The following GLIS3 variants were observed in gnomAD, a reference collection of about 807,000 sequenced individuals.
The protein encoded by GLIS3 is GLIS family zinc finger 3, also known as zinc finger protein GLIS3.
GLIS3 carries 53 observed loss-of-function variants against 78.6 expected under a neutral mutation model. That is an observed-to-expected ratio of 0.67 (90% CI 0.54 to 0.85). The LOEUF is 0.85. Among genes scored for constraint, GLIS3 ranks in the 40% least tolerant of loss-of-function variants. The pLI is 0.00. For synonymous variants in GLIS3, 684 were observed against 509.9 expected (o/e 1.34, Z -4.60); for missense variants, 1,703 against 1,231.1 (o/e 1.38, Z -5.74).
the GLIS3 span, among the ~76,000 whole-genome samples, chr9:4,441,504 T>A: frequency 2.6e-5 from 4 of 152,242 alleles, no homozygotes; most frequent in Admixed American, 6.5e-5. Context: ...CACTTGAAGA[T>A]GGTAAATAAT....
the GLIS3 span, among the ~76,000 whole-genome samples, chr9:4,374,585 A>G: frequency 2.0e-5 from 3 of 152,190 alleles, no homozygotes; most frequent in Non-Finnish European, 4.4e-5. Context: ...TTTCTTGGGG[A>G]ACTATTCCCC....
At chr9:4,224,167 A>G (rs777401234) in intron 2 of GLIS3, among the ~76,000 whole-genome samples, 2 of 152,190 alleles carry the variant, frequency 1.3e-5, no homozygotes, top group Non-Finnish European at 2.9e-5. Context: ...CTCTGATTAA[A>G]ACCCACATTA....
At chr9:4,086,707 G>A (rs1829051798) in intron 4 of GLIS3, among the ~76,000 whole-genome samples, 1 of 152,190 alleles carries the variant, frequency 6.6e-6, no homozygotes, top group African/African-American at 2.4e-5. Context: ...TGTCAAAACA[G>A]TGCTGAGCAG....
intron 2 of GLIS3, among the ~76,000 whole-genome samples, chr9:4,203,971 A>G (rs548351434): frequency 2.0e-5 from 3 of 152,298 alleles, no homozygotes; most frequent in African/African-American, 7.2e-5. Flanking sequence ...GGGAAAGAGA[A>G]ATGGGGCAAG....
At chr9:4,475,836 G>A in the GLIS3 span, among the ~76,000 whole-genome samples, 1 of 152,198 alleles carries the variant, frequency 6.6e-6, no homozygotes, top group African/African-American at 2.4e-5. Flanking sequence ...CCTACAGTGG[G>A]AGAGAGGGTA....
At chr9:4,488,675 A>C in the GLIS3 span, among the ~76,000 whole-genome samples, 65,899 of 151,652 alleles carry the variant, frequency 0.43, 14,490 homozygotes, top group Middle Eastern at 0.5. Flanking sequence ...GCATGGCCCT[A>C]AACCCGGCTA....
In GLIS3 at chr9:4,154,506, G is replaced by C. The variant is rs139578377; in HGVS notation, c.389-28565C>G. On this transcript the variant is annotated intron_variant, in intron 2 of 10. Transcript: ENST00000381971. ...CTACAAAAATATTTTAGCTCAAAAA[G>C]CACCACAAACAAAATGAAAAAGCAA... Among the ~76,000 whole-genome samples the C allele has an allele frequency of 2.2e-3, 336 of 152,198 alleles. 1 individual carries two copies. Among genetic ancestry groups the C allele is most frequent in the Non-Finnish European group, 3.6e-3 (245 of 68,006 alleles).
chr9:4,173,011 T>G (rs1816504669), intron 2 of GLIS3, among the ~76,000 whole-genome samples: 1 of 151,800 alleles, frequency 6.6e-6, no homozygotes, highest in Admixed American at 6.6e-5. Context: ...GGCTCTGTAT[T>G]TATTTATTTT....
intron 4 of GLIS3, among the ~76,000 whole-genome samples, chr9:4,107,924 C>T (rs867093993): frequency 6.6e-6 from 1 of 152,114 alleles, no homozygotes; most frequent in African/African-American, 2.4e-5. Flanking sequence ...TAAACCTCTA[C>T]GTATCCATCA....
intron 2 of GLIS3, among the ~76,000 whole-genome samples, chr9:4,208,026 T>C (rs1820036254): frequency 6.6e-6 from 1 of 152,200 alleles, no homozygotes; most frequent in Admixed American, 6.5e-5. Flanking sequence ...AACCATTCTG[T>C]ACACCACCAG....
At chr9:3,848,085 ATGCT>A (rs1819170458) in intron 9 of GLIS3, among the ~76,000 whole-genome samples, 1 of 152,252 alleles carries the variant, frequency 6.6e-6, no homozygotes, top group Admixed American at 6.5e-5. Flanking sequence ...ATGTGACACA[ATGCT>A]TAAGTTCTAA....
chr9:4,328,968 C>A (rs948566865), intron 2 of GLIS3, among the ~76,000 whole-genome samples: 1 of 152,204 alleles, frequency 6.6e-6, no homozygotes, highest in African/African-American at 2.4e-5. Context: ...GCAACCACAG[C>A]TCTTGAGGTG....
chr9:4,137,595 T>C (rs1209229801), intron 2 of GLIS3, among the ~76,000 whole-genome samples: 51 of 9,990 alleles, frequency 5.1e-3, no homozygotes, highest in Admixed American at 7.5e-4. Context: ...AAGATGATAT[T>C]ATTAGGAACC....
At chr9:4,138,635 G>C (rs939880310) in intron 2 of GLIS3, among the ~76,000 whole-genome samples, 6 of 152,146 alleles carry the variant, frequency 3.9e-5, no homozygotes, top group Non-Finnish European at 7.4e-5. Context: ...TGAGACACTA[G>C]GGCCAGAATA....
At chr9:4,405,264 G>C in the GLIS3 span, among the ~76,000 whole-genome samples, 1 of 151,866 alleles carries the variant, frequency 6.6e-6, no homozygotes, top group Non-Finnish European at 1.5e-5. Flanking sequence ...TGAGGCAGGA[G>C]AATCACTTGA....
intron 1 of GLIS3, among the ~76,000 whole-genome samples, chr9:4,287,306 C>A (rs559706001): frequency 1.3e-5 from 2 of 152,296 alleles, no homozygotes; most frequent in South Asian, 2.1e-4. Flanking sequence ...TGATACATGA[C>A]ATTCAGTAAA....
intron 4 of GLIS3, among the ~76,000 whole-genome samples, chr9:4,096,256 CT>C (rs1265868196): frequency 2.6e-5 from 4 of 152,154 alleles, no homozygotes; most frequent in Admixed American, 2.6e-4. Flanking sequence ...TTAATTAACT[CT>C]GTTTAGACTA....
intron 7 of GLIS3, among the ~76,000 whole-genome samples, chr9:3,893,103 A>G (rs748947602): frequency 2.6e-5 from 4 of 151,914 alleles, no homozygotes; most frequent in Admixed American, 6.6e-5. Flanking sequence ...CCCACCCTCT[A>G]CCTTCCGATA....
At position 4,157,531 on chromosome 9, in the gene GLIS3, C is replaced by G. The variant is rs144737878; in HGVS notation, c.389-31590G>C. Among the ~76,000 whole-genome samples the G allele has an allele frequency of 6.0e-4, 91 of 152,266 alleles. 1 individual carries two copies. The East Asian group carries it at 0.017, about 28-fold the overall frequency. On this transcript the variant is annotated intron_variant, in intron 2 of 10. Coordinates refer to ENST00000381971, the MANE Select transcript of GLIS3 (RefSeq NM_001042413.2). ...TTTTTAGTACCAGGGAACGATCTAT[C>G]ATTCAATGAAAGAGCATACATAGAG...
Sources: allele counts gnomAD v4.1 joint callset (sites outside exome capture counted in the v4.1 genomes callset), GRCh38; gene constraint gnomAD v4.1.1; transcripts MANE v1.5; gene names NCBI Gene and HGNC (gene_info 2026-07-23, HGNC 2026-07-21).